Variants in SOX5 observed in about 807,000 individuals in gnomAD.
The protein encoded by SOX5 is transcription factor SOX-5.
SOX5 carries 9 observed loss-of-function variants against 92.0 expected under a neutral mutation model. The ratio of observed to expected loss-of-function variants is 0.10; its 90% CI spans 0.06 to 0.17. SOX5 has a LOEUF of 0.17. Ranked by LOEUF, SOX5 falls within the 10% of genes least tolerant of loss-of-function variation. The pLI, the probability that SOX5 is intolerant of heterozygous loss-of-function variation, is 1.00. For missense variants in SOX5, 642 were observed against 944.5 expected, an observed-to-expected ratio of 0.68 and a Z score of 4.20; for synonymous variants, 344 against 336.3, an observed-to-expected ratio of 1.02 and a Z score of -0.25.
intron 4 of SOX5, among the ~76,000 whole-genome samples, chr12:24,108,776 G>C (rs201382304): frequency 6.6e-6 from 1 of 152,092 alleles, no homozygotes; most frequent in Non-Finnish European, 1.5e-5. Context: ...GAAGAAACAG[G>C]CTGTTTTCCT....
chr12:23,994,906 A>G (rs1000790417), intron 4 of SOX5, among the ~76,000 whole-genome samples: 6 of 152,200 alleles, frequency 3.9e-5, no homozygotes, highest in Non-Finnish European at 7.4e-5. Context: ...AATTTGATAG[A>G]CAAAATGTCT....
intron 1 of SOX5, among the ~76,000 whole-genome samples, chr12:24,376,729 T>TTTTA (rs1957316691): frequency 4.3e-5 from 2 of 46,524 alleles, no homozygotes; most frequent in Admixed American, 2.7e-4. Context: ...TTTTTTTTTT[T>TTTTA]ACAGAGTCTC....
At chr12:23,574,085 A>C (rs1948768669) in intron 10 of SOX5, among the ~76,000 whole-genome samples, 2 of 151,708 alleles carry the variant, frequency 1.3e-5, no homozygotes, top group South Asian at 4.1e-4. Flanking sequence ...TCTGTTACAC[A>C]GCAATAAATA....
chr12:23,682,255 T>C (rs2086745357), intron 6 of SOX5, among the ~76,000 whole-genome samples: 2 of 151,854 alleles, frequency 1.3e-5, no homozygotes, highest in African/African-American at 4.8e-5. Context: ...TAGTCTTAGA[T>C]GAAAAGGGAA....
Position 23,536,498 on chromosome 12 carries a change from A to G in SOX5, c.1943T>C (p.Ile648Thr). 1 of 1,614,158 alleles carries G rather than the reference A, an allele frequency of 6.2e-7. No individual in the cohort carries two copies. The highest frequency in any genetic ancestry group is 1.1e-5 in the South Asian group (1 of 91,086). Residue 648 changes from isoleucine (I) to threonine (T), a missense_variant, in exon 14 of 15, where the codon ATC (isoleucine) becomes ACC (threonine). By Grantham distance (89) the Ile-to-Thr change is moderately conservative. This residue lies in a region of SOX5 where 21 missense variants were observed against 52.3 expected (regional missense o/e 0.40). Transcript: ENST00000451604. ...CATTTCCTGCCGCCTGTTGCGCATG[A>G]TTGCCTTGTATTCACCAATGCGCAG... ...KKLRIGEYKA[I>T]MRNRRQEMRQ...
intron 3 of SOX5, among the ~76,000 whole-genome samples, chr12:24,233,096 T>C (rs1963744627): frequency 6.6e-6 from 1 of 152,170 alleles, no homozygotes; most frequent in African/African-American, 2.4e-5. Flanking sequence ...GAGCATAGAT[T>C]TCACAGCTGT....
rs1161824840 is a variant in SOX5, at chr12:24,171,156, T to G, written c.-2+42187A>C. ...AAGATCTATTTTTTTTTTTTTTTTT[T>G]GCTAACTTCTAATAGTGATTTTAGT... On this transcript the variant is annotated intron_variant, in intron 4 of 4. Coordinates refer to the SOX5 transcript ENST00000446891. Among the ~76,000 whole-genome samples, 133 of 136,212 alleles carry G rather than the reference T, an allele frequency of 9.8e-4. 1 individual carries two copies. The highest frequency in any genetic ancestry group is 2.2e-3 in the South Asian group (9 of 4,024). 89.4% of individuals were successfully genotyped at this position (136,212 alleles called of 152,430 possible). A position where few individuals can be genotyped will look rare whatever the true frequency, so the allele number is the denominator to read the frequency against.
intron 1 of SOX5, among the ~76,000 whole-genome samples, chr12:24,451,253 A>C (rs1195708232): frequency 1.3e-5 from 2 of 152,160 alleles, no homozygotes; most frequent in African/African-American, 4.8e-5. Context: ...TGCAATAAAC[A>C]TGGGGGTGCA....
chr12:24,481,175 A>G (rs1945948653), intron 1 of SOX5, among the ~76,000 whole-genome samples: 1 of 152,302 alleles, frequency 6.6e-6, no homozygotes, highest in South Asian at 2.1e-4. Context: ...AACATTGCAT[A>G]TTCTCGCTTA....
At chr12:24,541,084 C>T (rs1019995638) in intron 1 of SOX5, among the ~76,000 whole-genome samples, 1 of 152,150 alleles carries the variant, frequency 6.6e-6, no homozygotes, top group Admixed American at 6.5e-5. Context: ...ACTTTTCTCT[C>T]CTATAAACAG....
At chr12:23,768,447 A>G (rs1393493200) in intron 3 of SOX5, among the ~76,000 whole-genome samples, 1 of 152,158 alleles carries the variant, frequency 6.6e-6, no homozygotes, top group Admixed American at 6.5e-5. Flanking sequence ...CTCTCACCTA[A>G]GATGAACACC....
At chr12:24,120,853 C>A (rs979956040) in intron 4 of SOX5, among the ~76,000 whole-genome samples, 2 of 152,130 alleles carry the variant, frequency 1.3e-5, no homozygotes, top group Admixed American at 1.3e-4. Flanking sequence ...CTGAGACATT[C>A]AACAGTCAGA....
intron 4 of SOX5, among the ~76,000 whole-genome samples, chr12:24,003,024 C>G (rs376687368): frequency 1.3e-5 from 2 of 152,050 alleles, no homozygotes; most frequent in South Asian, 4.1e-4. Context: ...TCATCAGTTA[C>G]TGTAATACAC....
chr12:23,872,272 A>G (rs891600690), intron 2 of SOX5, among the ~76,000 whole-genome samples: 1 of 148,406 alleles, frequency 6.7e-6, no homozygotes, highest in Non-Finnish European at 1.5e-5. Context: ...TCGGCCTCCC[A>G]AAGTGCTGGG....
At chr12:24,006,487 A>G (rs1358215353) in intron 4 of SOX5, among the ~76,000 whole-genome samples, 3 of 152,006 alleles carry the variant, frequency 2.0e-5, no homozygotes, top group South Asian at 4.2e-4. Flanking sequence ...GAAATTGAGC[A>G]TAAGTCACTC....
At chr12:23,818,911 G>T (rs1382803463) in intron 3 of SOX5, among the ~76,000 whole-genome samples, 2 of 152,088 alleles carry the variant, frequency 1.3e-5, no homozygotes, top group Non-Finnish European at 2.9e-5. Context: ...TATCTCACTG[G>T]AAGGTCTTCA....
At chr12:23,950,794 G>A, upstream of SOX5, 7 of 1,375,322 alleles carry the variant, frequency 5.1e-6, no homozygotes, top group South Asian at 2.5e-5. Context: ...TCTGGCAGCC[G>A]AGAAAGGTAA....
chr12:23,622,560 G>A (rs556062269), intron 8 of SOX5, among the ~76,000 whole-genome samples: 151 of 152,166 alleles, frequency 9.9e-4, no homozygotes, highest in Non-Finnish European at 1.7e-3. Flanking sequence ...TCCATCAGAT[G>A]TGAAGTGAAA....
chr12:24,374,536 C>T (rs145251650), intron 1 of SOX5, among the ~76,000 whole-genome samples: 254 of 150,360 alleles, frequency 1.7e-3, no homozygotes, highest in African/African-American at 6.0e-3. Context: ...CACACACACA[C>T]ATGCATGCAC....
Sources: allele counts gnomAD v4.1 joint callset (sites outside exome capture counted in the v4.1 genomes callset), GRCh38; gene constraint gnomAD v4.1.1; regional missense constraint gnomAD v4.1.1; transcripts MANE v1.5; gene names NCBI Gene and HGNC (gene_info 2026-07-23, HGNC 2026-07-21).